Variants in LAMA3 observed in about 807,000 individuals in gnomAD.
LAMA3 encodes the protein laminin subunit alpha 3, also known as laminin subunit alpha-3.
In LAMA3, 281 loss-of-function variants were observed where a neutral mutation model predicts 402.0. That is an observed-to-expected ratio of 0.70 (90% CI 0.63 to 0.77). The LOEUF (loss-of-function observed/expected upper bound fraction) is 0.77, where lower values mean the gene tolerates loss of function less well. Ranked by LOEUF, LAMA3 falls within the 30% of genes least tolerant of loss-of-function variation. The pLI, the probability that LAMA3 is intolerant of heterozygous loss-of-function variation, is 0.00. For missense variants in LAMA3, 3,840 were observed against 4,215.5 expected, an observed-to-expected ratio of 0.91 and a Z score of 2.47; for synonymous variants, 1,431 against 1,558.4, an observed-to-expected ratio of 0.92 and a Z score of 1.93.
At chr18:23,761,886 G>A (rs1218072910) in intron 7 of LAMA3, among the ~76,000 whole-genome samples, 1 of 152,184 alleles carries the variant, frequency 6.6e-6, no homozygotes, top group African/African-American at 2.4e-5. Flanking sequence ...AAATAATAAT[G>A]TTAGTGTTTA....
chr18:23,904,120 C>G (rs779221525), intron 50 of LAMA3, 33 bp downstream of exon 50: 19 of 1,611,368 alleles, frequency 1.2e-5, no homozygotes, highest in Non-Finnish European at 1.4e-5. Flanking sequence ...CAGAAGGGCA[C>G]GTGGGCTGAG....
rs1203606843 is a variant in LAMA3, at chr18:23,873,342, A to G, written c.4998+1681A>G. 5.8e-6 allele frequency: 5 copies of G among 861,824 alleles called. No individual in the cohort carries two copies. The African/African-American group carries it at 8.2e-5, about 14-fold the overall frequency. 53.4% of individuals were successfully genotyped at this position (861,824 alleles called of 1,614,324 possible). A position where few individuals can be genotyped will look rare whatever the true frequency, so the allele number is the denominator to read the frequency against. On this transcript the variant is annotated intron_variant, in intron 38 of 74. Coordinates refer to ENST00000313654, the MANE Select transcript of LAMA3 (RefSeq NM_198129.4). The stretch of plus-strand genomic sequence containing the variant: ...AGGAGGGGCTGATGGCCTCCCAGTC[A>G]CCTTGACTGGCAGTGTTTATTACAG...
intron 62 of LAMA3, among the ~76,000 whole-genome samples, chr18:23,925,676 C>A (rs547431041): frequency 6.6e-6 from 1 of 152,246 alleles, no homozygotes; most frequent in African/African-American, 2.4e-5. Flanking sequence ...AACTCATGCC[C>A]CAGTGCAATC....
chr18:23,909,298 G>A lies in LAMA3; in HGVS notation c.7158+3G>A, dbSNP rs371036921. Reference sequence around the variant, plus strand: ...AGGCCAGAGATGCTGCCAGTAAGGTGAGTGTGTCCCCACGTGGTCAGTGGC... The same window carrying A: ...AGGCCAGAGATGCTGCCAGTAAGGTAAGTGTGTCCCCACGTGGTCAGTGGC... On this transcript the variant is annotated splice_donor_region_variant and intron_variant, in intron 55 of 74. Coordinates refer to ENST00000313654, the MANE Select transcript of LAMA3 (RefSeq NM_198129.4). 12 of 1,610,874 alleles carry A rather than the reference G, an allele frequency of 7.4e-6. No individual in the cohort carries two copies. Among genetic ancestry groups the A allele is most frequent in the Non-Finnish European group, 1.0e-5 (12 of 1,179,856 alleles).
chr18:23,810,224 G>T (rs2063040677), intron 12 of LAMA3, 142 bp from the exon 13 acceptor site: 2 of 947,472 alleles, frequency 2.1e-6, no homozygotes, highest in Middle Eastern at 3.2e-4. Context: ...CTTGTTTCAG[G>T]TTCCCGATCT....
intron 13 of LAMA3, among the ~76,000 whole-genome samples, chr18:23,810,961 G>T (rs1302765263): frequency 6.6e-6 from 1 of 152,154 alleles, no homozygotes; most frequent in Non-Finnish European, 1.5e-5. Context: ...GACCTTTGCT[G>T]TGTTTCGGGC....
intron 7 of LAMA3, among the ~76,000 whole-genome samples, chr18:23,761,481 T>C (rs2061967918): frequency 6.6e-6 from 1 of 152,254 alleles, no homozygotes; most frequent in Non-Finnish European, 1.5e-5. Context: ...ATAAGCTATG[T>C]AACGATGGGC....
intron 20 of LAMA3, 75 bp downstream of exon 20, chr18:23,822,450 A>T: frequency 1.3e-6 from 2 of 1,489,412 alleles, no homozygotes; most frequent in Admixed American, 1.7e-5. Context: ...TCTGATTTTC[A>T]CAAAGTTGAT....
At chr18:23,758,374 T>C in intron 6 of LAMA3, 22 bp from the exon 7 acceptor site, 1 of 1,586,458 alleles carries the variant, frequency 6.3e-7, no homozygotes, top group Non-Finnish European at 8.6e-7. Flanking sequence ...ATAACTGAGA[T>C]GCACTTCGCC....
rs969064317 is a variant in LAMA3 at position 23,953,100 on chromosome 18, G to A, written c.9847G>A (p.Gly3283Ser). ...ASTQEPLHLG[G>S]APANLTTLRI... ...CACTCAAGAGCCACTACACCTTGGA[G>A]GTGCTCCAGGTAACTCTTGTCCTGA... The change falls in exon 74 of 75, where the codon GGT (glycine) becomes AGT (serine). Residue 3283 changes from glycine (G) to serine (S), a missense_variant. By Grantham distance (56) the Gly-to-Ser change is moderately conservative (BLOSUM62 0). This residue lies in a region of LAMA3 where 840 missense variants were observed against 981.9 expected (regional missense o/e 0.86). Transcript: ENST00000313654. 1.9e-6 allele frequency: 3 copies of A among 1,613,920 alleles called. No homozygotes were observed. Among genetic ancestry groups the A allele is most frequent in the African/African-American group, 2.7e-5 (2 of 74,912 alleles).
intron 32 of LAMA3, among the ~76,000 whole-genome samples, chr18:23,852,085 A>G (rs961651701): frequency 4.6e-5 from 7 of 152,200 alleles, no homozygotes; most frequent in Admixed American, 6.5e-5. Flanking sequence ...GGCAAGGGAC[A>G]TATTATCCCC....
rs766597865 is a variant in LAMA3, at chr18:23,950,143, A to G, written c.9626A>G (p.Tyr3209Cys). The G allele has an allele frequency of 1.9e-6, 3 of 1,614,150 alleles. No homozygotes were observed. Among genetic ancestry groups the G allele is most frequent in the Non-Finnish European group, 2.5e-6 (3 of 1,180,040 alleles). The change falls in exon 72 of 75, where the codon TAC (tyrosine) becomes TGC (cysteine). Residue 3209 changes from tyrosine (Y) to cysteine (C), a missense_variant. Transcript: ENST00000313654. ...CAGCCCGGGAAGCACTTATGTGTTT[A>G]CCTGGAGGCAGGAAAGGTGTGTAGC... ...GSQPGKHLCVYLEAGKVTASM... is the reference protein window; with the variant it reads ...GSQPGKHLCVCLEAGKVTASM...
chr18:23,908,687 G>A (rs1374551744), intron 54 of LAMA3, among the ~76,000 whole-genome samples: 1 of 151,898 alleles, frequency 6.6e-6, no homozygotes, highest in Non-Finnish European at 1.5e-5. Flanking sequence ...TATCCTCAGG[G>A]GATATGTTCC....
chr18:23,890,100 G>A lies in LAMA3; in HGVS notation c.5393G>A (p.Cys1798Tyr). 1 of 1,613,218 alleles carries A rather than the reference G, an allele frequency of 6.2e-7. No individual in the cohort carries two copies. Among genetic ancestry groups the A allele is most frequent in the African/African-American group, 1.3e-5 (1 of 75,026 alleles). Residue 1798 changes from cysteine to tyrosine, a missense_variant, in exon 42 of 75, where the codon TGT (cysteine) becomes TAT (tyrosine). Cys to Tyr is a radical substitution (Grantham distance 194, BLOSUM62 -2). Around this residue, in one of 3 missense-constraint regions of LAMA3, gnomAD observed 2,109 missense variants for 2,376.0 expected, o/e 0.89. Coordinates refer to ENST00000313654, the MANE Select transcript of LAMA3 (RefSeq NM_198129.4). ...SCNSNGQLGS[C>Y]HPLTGDCINQ... ...AACAGCAATGGCCAGCTGGGCAGCTGTCATCCCCTGACTGGAGGTAAGGCC... is the reference window on the plus strand; with the variant it reads ...AACAGCAATGGCCAGCTGGGCAGCTATCATCCCCTGACTGGAGGTAAGGCC...
intron 1 of LAMA3, among the ~76,000 whole-genome samples, chr18:23,702,463 A>G (rs2060808069): frequency 6.6e-6 from 1 of 152,064 alleles, no homozygotes; most frequent in Non-Finnish European, 1.5e-5. Context: ...AGCTGGGACT[A>G]CAGGTGTGCA....
chr18:23,806,502 A>G (rs1198881075), intron 12 of LAMA3, among the ~76,000 whole-genome samples: 2 of 152,056 alleles, frequency 1.3e-5, no homozygotes, highest in Non-Finnish European at 2.9e-5. Flanking sequence ...GGAGGCCATT[A>G]CAGTTTTCTC....
intron 2 of LAMA3, among the ~76,000 whole-genome samples, chr18:23,721,153 G>A (rs2061205634): frequency 6.6e-6 from 1 of 151,554 alleles, no homozygotes; most frequent in South Asian, 2.1e-4. Flanking sequence ...GTAAGACCCT[G>A]CCTCTATTAA....
chr18:23,861,045 G>A (rs550896701), intron 34 of LAMA3, among the ~76,000 whole-genome samples: 1 of 151,916 alleles, frequency 6.6e-6, no homozygotes, highest in Admixed American at 6.5e-5. Context: ...ATCTTTTACT[G>A]CCTGTCTCCT....
chr18:23,889,899 T>G (rs2080593560), intron 41 of LAMA3, 112 bp from the exon 42 acceptor site: 2 of 811,506 alleles, frequency 2.5e-6, no homozygotes, highest in Non-Finnish European at 4.4e-6. Context: ...TATGTCGGTC[T>G]TCCACCCATT....
Sources: gnomAD v4.1 joint callset for allele counts (sites outside exome capture counted in the v4.1 genomes callset) on GRCh38, gnomAD v4.1.1 for gene constraint, gnomAD v4.1.1 regional missense constraint, MANE v1.5 for transcripts, NCBI Gene and HGNC (gene_info 2026-07-23, HGNC 2026-07-21) for gene names.